The following MEGF9 variants were observed in gnomAD, a reference collection of about 807,000 sequenced individuals.
MEGF9 encodes multiple EGF like domains 9.
In MEGF9, 6 loss-of-function variants were observed where a neutral mutation model predicts 46.8. The ratio of observed to expected loss-of-function variants is 0.13; its 90% confidence interval spans 0.07 to 0.25. The LOEUF (loss-of-function observed/expected upper bound fraction) is 0.25, where lower values mean the gene tolerates loss of function less well. MEGF9 is among the 10% of genes least tolerant of loss of function. The pLI is 1.00. For missense variants in MEGF9, 683 were observed against 792.4 expected (o/e 0.86, Z 1.66); for synonymous variants, 302 against 330.7 (o/e 0.91, Z 0.94).
At chr9:120,623,696 T>G (rs2132304646) in intron 2 of MEGF9, among the ~76,000 whole-genome samples, 1 of 152,280 alleles carries the variant, frequency 6.6e-6, no homozygotes, top group African/African-American at 2.4e-5. Context: ...CCAAGGTACT[T>G]AAAGATCTAG....
intron 2 of MEGF9, among the ~76,000 whole-genome samples, chr9:120,628,133 T>C (rs1408063947): frequency 6.6e-6 from 1 of 152,160 alleles, no homozygotes; most frequent in African/African-American, 2.4e-5. Flanking sequence ...AGGTTTTATA[T>C]GGAAAAATAA....
intron 2 of MEGF9, among the ~76,000 whole-genome samples, chr9:120,659,171 A>C (rs2043690452): frequency 6.6e-6 from 1 of 152,234 alleles, no homozygotes; most frequent in Admixed American, 6.5e-5. Context: ...GCTTTTGAAG[A>C]ACTAAATCAG....
chr9:120,636,855 T>A (rs910227783), intron 2 of MEGF9, among the ~76,000 whole-genome samples: 2 of 148,828 alleles, frequency 1.3e-5, no homozygotes, highest in African/African-American at 5.0e-5. Flanking sequence ...GTCTGGGGGG[T>A]GGGGGGGCCC....
intron 2 of MEGF9, among the ~76,000 whole-genome samples, chr9:120,627,456 T>C (rs2043530171): frequency 6.6e-6 from 1 of 152,156 alleles, no homozygotes; most frequent in Admixed American, 6.6e-5. Context: ...TTATACATAG[T>C]TCTTTCCTTT....
chr9:120,671,320 G>A (rs1250933804), intron 1 of MEGF9, among the ~76,000 whole-genome samples: 4 of 152,182 alleles, frequency 2.6e-5, no homozygotes, highest in Non-Finnish European at 5.9e-5. Context: ...AAACATATGG[G>A]TGAGGCCATT....
chr9:120,714,464 T>G lies in MEGF9; in HGVS notation c.-106A>C. The G allele has an allele frequency of 5.0e-6, 5 of 1,003,930 alleles. 1 individual carries two copies. In the South Asian group the frequency reaches 2.3e-4, roughly 47 times the overall value. 62.2% of individuals were successfully genotyped at this position (1,003,930 alleles called of 1,614,324 possible). A position where few individuals can be genotyped will look rare whatever the true frequency, so the allele number is the denominator to read the frequency against. On this transcript the variant is annotated 5_prime_UTR_variant, in exon 1 of 6. Coordinates refer to ENST00000373930, the MANE Select transcript of MEGF9 (RefSeq NM_001080497.3). The stretch of plus-strand genomic sequence containing the variant: ...CGCCACCGGGCGCACCATCGCCACC[T>G]CCCTCTGACAGGCGGCCGGCCCCGC...
chr9:120,614,930 C>T (rs1284035280), intron 3 of MEGF9, among the ~76,000 whole-genome samples: 3 of 151,788 alleles, frequency 2.0e-5, no homozygotes, highest in Non-Finnish European at 2.9e-5. Context: ...TATATACATA[C>T]ATACATATAT....
rs778811337 is a variant in MEGF9 at position 120,713,942 on chromosome 9, C to T, written c.417G>A (p.Ala139=). The part of the protein sequence containing the change: ...AAERTSTTSQ[A]PTRPAPTTLS... ...GGGTGGTCGGCGCGGGTCTGGTCGG[C>T]GCCTGAGAGGTGGTCGAAGTGCGTT... is the stretch of plus-strand genomic sequence containing the variant. The change falls in exon 1 of 6, where the codon GCG becomes GCA. Residue 139 remains alanine (A), a synonymous_variant. Transcript: ENST00000373930. 6 of 1,371,264 alleles carry T rather than the reference C, an allele frequency of 4.4e-6. No homozygotes were observed. Among genetic ancestry groups the T allele is most frequent in the Non-Finnish European group, 5.7e-6 (6 of 1,057,454 alleles). 84.9% of individuals were successfully genotyped at this position (1,371,264 alleles called of 1,614,324 possible).
At chr9:120,685,529 C>T (rs1442957554) in intron 1 of MEGF9, among the ~76,000 whole-genome samples, 6 of 152,174 alleles carry the variant, frequency 3.9e-5, no homozygotes, top group African/African-American at 7.2e-5. Flanking sequence ...TATTTCCACA[C>T]TAGCAGAATT....
intron 2 of MEGF9, among the ~76,000 whole-genome samples, chr9:120,641,332 G>A (rs961707330): frequency 6.6e-6 from 1 of 152,154 alleles, no homozygotes; most frequent in African/African-American, 2.4e-5. Context: ...ATAAAGAAGA[G>A]CAGATAGAAA....
At chr9:120,704,656 TA>T (rs1432431721) in intron 1 of MEGF9, among the ~76,000 whole-genome samples, 1 of 152,168 alleles carries the variant, frequency 6.6e-6, no homozygotes, top group Non-Finnish European at 1.5e-5. Flanking sequence ...TATTCACCAA[TA>T]AAAGTACAGA....
At chr9:120,611,862 A>AGGGAGGGAG (rs1564411685) in intron 4 of MEGF9, among the ~76,000 whole-genome samples, 1 of 132,906 alleles carries the variant, frequency 7.5e-6, no homozygotes, top group African/African-American at 2.9e-5. Context: ...GAAGGAAGGA[A>AGGGAGGGAG]GAAAGAGAGA....
At chr9:120,667,369 A>T (rs1252606189) in intron 1 of MEGF9, among the ~76,000 whole-genome samples, 1 of 152,240 alleles carries the variant, frequency 6.6e-6, no homozygotes, top group Admixed American at 6.5e-5. Context: ...TTTGGCTCCA[A>T]CTTAAGTCTT....
intron 1 of MEGF9, among the ~76,000 whole-genome samples, chr9:120,711,871 A>ACACACACACACACACACACACACACACC (rs145059704): frequency 5.3e-4 from 80 of 150,176 alleles, no homozygotes; most frequent in African/African-American, 1.9e-3. Flanking sequence ...ACACACACAC[A>ACACACACACACACACACACACACACACC]CCCACAGGCC....
intron 1 of MEGF9, among the ~76,000 whole-genome samples, chr9:120,711,871 A>ACACACACACACACACACACACACCCC (rs145059704): frequency 2.7e-5 from 4 of 150,106 alleles, no homozygotes; most frequent in African/African-American, 9.9e-5. Context: ...ACACACACAC[A>ACACACACACACACACACACACACCCC]CCCACAGGCC....
intron 4 of MEGF9, among the ~76,000 whole-genome samples, chr9:120,611,088 T>C (rs1469689773): frequency 6.6e-6 from 1 of 152,108 alleles, no homozygotes; most frequent in African/African-American, 2.4e-5. Context: ...CAAAGGCAGA[T>C]AGTAAGTGTT....
intron 1 of MEGF9, among the ~76,000 whole-genome samples, chr9:120,684,671 T>C (rs879624965): frequency 2.0e-5 from 3 of 152,126 alleles, no homozygotes; most frequent in Admixed American, 1.3e-4. Flanking sequence ...AGAGAAGAAA[T>C]CCCTCTTCCA....
At chr9:120,618,763 GA>G (rs2043483697) in intron 3 of MEGF9, among the ~76,000 whole-genome samples, 14 of 151,994 alleles carry the variant, frequency 9.2e-5, no homozygotes, top group Admixed American at 2.6e-4. Context: ...CTGGGCGTGT[GA>G]TGGTGGGCGC....
intron 1 of MEGF9, among the ~76,000 whole-genome samples, chr9:120,671,693 A>C (rs2043750273): frequency 6.6e-6 from 1 of 152,224 alleles, no homozygotes; most frequent in African/African-American, 2.4e-5. Flanking sequence ...TTTAATAAGA[A>C]ATAACATCAA....
Sources: allele counts gnomAD v4.1 joint callset (sites outside exome capture counted in the v4.1 genomes callset), GRCh38; gene constraint gnomAD v4.1.1; transcripts MANE v1.5; gene names NCBI Gene and HGNC (gene_info 2026-07-23, HGNC 2026-07-21).